The following MCC variants were observed in gnomAD, a reference collection of about 807,000 sequenced individuals.
MCC encodes MCC regulator of Wnt signaling pathway, also known as colorectal mutant cancer protein.
A neutral mutation model predicts 116.2 loss-of-function variants in MCC; 90 were observed. The observed-to-expected ratio is 0.77, with a 90% CI of 0.65 to 0.92. The LOEUF (loss-of-function observed/expected upper bound fraction) is 0.92. MCC is among the 40% of genes least tolerant of loss of function. The pLI is 0.00. For missense variants in MCC, 1,516 were observed against 1,312.2 expected, an observed-to-expected ratio of 1.16 and a Z score of -2.40; for synonymous variants, 578 against 510.5, an observed-to-expected ratio of 1.13 and a Z score of -1.78.
At chr5:113,402,733 C>G (rs994012853) in intron 1 of MCC, among the ~76,000 whole-genome samples, 2 of 152,050 alleles carry the variant, frequency 1.3e-5, no homozygotes, top group African/African-American at 2.4e-5. Context: ...AGTCTGATTA[C>G]AGAAAGGAGA....
At chr5:113,428,845 A>G (rs1366188564) in intron 1 of MCC, 1 of 152,218 alleles carries the variant, frequency 6.6e-6, no homozygotes. Context: ...TCACAGTCCA[A>G]AAGACATTAA....
At chr5:113,353,381 G>A (rs1768330343) in intron 2 of MCC, among the ~76,000 whole-genome samples, 1 of 152,080 alleles carries the variant, frequency 6.6e-6, no homozygotes, top group Non-Finnish European at 1.5e-5. Context: ...GTCATGAGAA[G>A]GTAATGAGAA....
chr5:113,108,490 T>G (rs893411064), intron 6 of MCC, among the ~76,000 whole-genome samples: 11 of 151,242 alleles, frequency 7.3e-5, no homozygotes, highest in Non-Finnish European at 1.6e-4. Context: ...CTGTCTCTAC[T>G]AAAAATACAA....
At chr5:113,248,832 C>CTTTTT (rs1269527611) in intron 3 of MCC, among the ~76,000 whole-genome samples, 1 of 138,200 alleles carries the variant, frequency 7.2e-6, no homozygotes, top group Non-Finnish European at 1.6e-5. Context: ...TCTCTCTCTT[C>CTTTTT]TTTTTTTTTT....
intron 1 of MCC, among the ~76,000 whole-genome samples, chr5:113,402,885 C>A (rs1010670213): frequency 6.6e-5 from 10 of 152,100 alleles, no homozygotes; most frequent in Non-Finnish European, 1.2e-4. Flanking sequence ...GCCTTGAACT[C>A]CAGGGTTCAA....
chr5:113,079,575 T>G (rs1402171118), intron 11 of MCC, among the ~76,000 whole-genome samples: 2 of 152,226 alleles, frequency 1.3e-5, no homozygotes, highest in Non-Finnish European at 2.9e-5. Flanking sequence ...CCCTAGTTAA[T>G]AAATGGTGCT....
chr5:113,386,754 C>CATATATATATATATATATATAT lies in MCC; in HGVS notation c.171-1543_171-1542insATATATATATATATATATATAT, dbSNP rs10673164. On this transcript the variant is annotated intron_variant, in intron 1 of 18. Transcript: ENST00000408903. ...TGTGTGTCTGTGTCCATATGTATATCATATATATATATATATATATGCCTC... is the reference window on the plus strand; with the variant it reads ...TGTGTGTCTGTGTCCATATGTATATCATATATATATATATATATATATATATATATATATATATATATGCCTC... Among the ~76,000 whole-genome samples, 416 of 140,932 alleles carry CATATATATATATATATATATAT rather than the reference C, an allele frequency of 3.0e-3. 1 individual carries two copies. The highest frequency in any genetic ancestry group is 8.6e-3 in the East Asian group (41 of 4,786). The allele number at this position is 140,932 out of a possible 152,430, so 92.5% of individuals were successfully genotyped here.
chr5:113,042,114 AAACTC>A (rs1751746582), intron 17 of MCC, among the ~76,000 whole-genome samples: 1 of 152,198 alleles, frequency 6.6e-6, no homozygotes, highest in Admixed American at 6.5e-5. Context: ...AAGAGTCACA[AAACTC>A]AACTATGAAA....
At chr5:113,241,201 G>T (rs1302743957) in intron 3 of MCC, among the ~76,000 whole-genome samples, 1 of 152,208 alleles carries the variant, frequency 6.6e-6, no homozygotes, top group Non-Finnish European at 1.5e-5. Context: ...TAGGCTTCTG[G>T]TTAAATGTAG....
intron 1 of MCC, among the ~76,000 whole-genome samples, chr5:113,437,417 C>A (rs1217687792): frequency 6.6e-6 from 1 of 152,166 alleles, no homozygotes; most frequent in East Asian, 1.9e-4. Context: ...GCTCCTTTAC[C>A]CCTGTTATGT....
intron 1 of MCC, among the ~76,000 whole-genome samples, chr5:113,465,113 C>T (rs532982528): frequency 6.3e-5 from 9 of 143,644 alleles, no homozygotes; most frequent in South Asian, 2.2e-4. Context: ...TTTTGTGGGG[C>T]GGAGGGAGAC....
chr5:113,041,315 C>T (rs544467915), intron 17 of MCC, among the ~76,000 whole-genome samples: 65 of 152,266 alleles, frequency 4.3e-4, no homozygotes, highest in Non-Finnish European at 6.5e-4. Context: ...CCTAAATCCC[C>T]AGAAATGGCA....
intron 3 of MCC, among the ~76,000 whole-genome samples, chr5:113,242,815 CTG>C (rs1289038453): frequency 6.6e-6 from 1 of 152,108 alleles, no homozygotes; most frequent in East Asian, 1.9e-4. Flanking sequence ...GAACAAAAAA[CTG>C]TGTACTGTGG....
intron 4 of MCC, among the ~76,000 whole-genome samples, chr5:113,145,259 T>C (rs1759428107): frequency 6.6e-6 from 1 of 152,202 alleles, no homozygotes; most frequent in Non-Finnish European, 1.5e-5. Context: ...GACACTCTCA[T>C]GCAGGTCACC....
At chr5:113,394,460 C>G (rs1020053629) in intron 1 of MCC, among the ~76,000 whole-genome samples, 1 of 152,134 alleles carries the variant, frequency 6.6e-6, no homozygotes, top group African/African-American at 2.4e-5. Flanking sequence ...TAGCCAAGGC[C>G]CATCAGAGCA....
intron 1 of MCC, among the ~76,000 whole-genome samples, chr5:113,401,753 C>T (rs1769692800): frequency 7.0e-6 from 1 of 143,282 alleles, no homozygotes; most frequent in African/African-American, 2.7e-5. Flanking sequence ...GTGCAAATTT[C>T]CCCAGGTTTT....
intron 3 of MCC, among the ~76,000 whole-genome samples, chr5:113,330,952 GGACC>G (rs1216417554): frequency 7.9e-5 from 12 of 152,148 alleles, no homozygotes; most frequent in Non-Finnish European, 1.6e-4. Flanking sequence ...TCCTACACAT[GGACC>G]TGAACAAGGT....
chr5:113,204,566 G>A (rs948214220), intron 3 of MCC: 1 of 152,148 alleles, frequency 6.6e-6, no homozygotes, highest in African/African-American at 2.4e-5. Flanking sequence ...AACGCAGTTA[G>A]GCAGATCTGA....
At chr5:113,138,061 G>C (rs1040372606) in intron 5 of MCC, among the ~76,000 whole-genome samples, 9 of 151,802 alleles carry the variant, frequency 5.9e-5, no homozygotes, top group African/African-American at 1.9e-4. Context: ...CTGTTACCCA[G>C]GCTGGAGTGC....
Sources: gnomAD v4.1 joint callset for allele counts (sites outside exome capture counted in the v4.1 genomes callset) on GRCh38, gnomAD v4.1.1 for gene constraint, MANE v1.5 for transcripts, NCBI Gene and HGNC (gene_info 2026-07-23, HGNC 2026-07-21) for gene names.